CNGB3: variants seen among roughly 807,000 people sequenced by gnomAD.
CNGB3 encodes cyclic nucleotide gated channel subunit beta 3.
A neutral mutation model predicts 92.8 loss-of-function variants in CNGB3; 86 were observed. The ratio of observed to expected loss-of-function variants is 0.93; its 90% CI spans 0.78 to 1.11. The LOEUF (loss-of-function observed/expected upper bound fraction) is 1.11, where lower values mean the gene tolerates loss of function less well. CNGB3 is among the 50% of genes least tolerant of loss of function. CNGB3 has a pLI of 0.00. For missense variants in CNGB3, 1,026 were observed against 956.8 expected, an observed-to-expected ratio of 1.07 and a Z score of -0.95; for synonymous variants, 333 against 332.7, an observed-to-expected ratio of 1.00 and a Z score of -0.01.
chr8:86,739,497 A>G (rs1825303488), intron 2 of CNGB3, among the ~76,000 whole-genome samples, 158 bp downstream of exon 2: 1 of 152,234 alleles, frequency 6.6e-6, no homozygotes, highest in African/African-American at 2.4e-5. Context: ...GAATGAGGAT[A>G]TAAAGTTTTT....
intron 4 of CNGB3, among the ~76,000 whole-genome samples, chr8:86,670,516 C>T (rs745806644): frequency 1.3e-4 from 20 of 152,186 alleles, no homozygotes; most frequent in Non-Finnish European, 2.6e-4. Flanking sequence ...AAGTATGAGC[C>T]ACACAGTTTT....
At chr8:86,712,415 G>A (rs1342373618) in intron 3 of CNGB3, among the ~76,000 whole-genome samples, 5 of 151,908 alleles carry the variant, frequency 3.3e-5, no homozygotes, top group Non-Finnish European at 7.4e-5. Context: ...TATTAGTATG[G>A]TTTTATTATT....
intron 15 of CNGB3, among the ~76,000 whole-genome samples, chr8:86,590,458 G>T (rs1822002679): frequency 6.6e-6 from 1 of 152,126 alleles, no homozygotes; most frequent in Admixed American, 6.5e-5. Flanking sequence ...ATTATGGCAT[G>T]ATTTTGCAGC....
chr8:86,683,209 A>C (rs182781043), intron 3 of CNGB3, among the ~76,000 whole-genome samples: 2 of 152,292 alleles, frequency 1.3e-5, no homozygotes, highest in East Asian at 3.9e-4. Flanking sequence ...GTTGAAATAA[A>C]GGAGAGTGCA....
chr8:86,583,378 T>C (rs928864579), intron 15 of CNGB3, among the ~76,000 whole-genome samples: 9 of 152,178 alleles, frequency 5.9e-5, no homozygotes, highest in Non-Finnish European at 1.3e-4. Context: ...TAGTGTTATA[T>C]GATGGTAGGT....
intron 3 of CNGB3, among the ~76,000 whole-genome samples, chr8:86,706,141 A>T (rs1824647943): frequency 6.6e-6 from 1 of 152,200 alleles, no homozygotes; most frequent in South Asian, 2.1e-4. Context: ...TAAAAATTAT[A>T]TTTATAAAGT....
chr8:86,591,372 A>G (rs1213230700), intron 15 of CNGB3, among the ~76,000 whole-genome samples: 6 of 151,824 alleles, frequency 4.0e-5, no homozygotes, highest in South Asian at 2.1e-4. Context: ...GCTTTGTTCC[A>G]TTGCTGGTGA....
rs41512045 is a variant in CNGB3 at position 86,734,468 on chromosome 8, G to A, written c.211+5187C>T. ...TGGAAAAGTAACAGGATCACTAAAC[G>A]CATTGCCAGATTCAGAATTTTGTCT... On this transcript the variant is annotated intron_variant, in intron 2 of 17. Transcript: ENST00000320005. Among the ~76,000 whole-genome samples, 764 of 152,238 alleles carry A rather than the reference G, an allele frequency of 5.0e-3. 4 individuals are homozygous for A. The highest frequency in any genetic ancestry group is 0.017 in the African/African-American group (721 of 41,536).
chr8:86,682,455 A>T (rs991679812), intron 3 of CNGB3, among the ~76,000 whole-genome samples: 1 of 152,192 alleles, frequency 6.6e-6, no homozygotes, highest in African/African-American at 2.4e-5. Flanking sequence ...GGATAGCAAG[A>T]GGCCAGTTTG....
chr8:86,622,253 T>G (rs552587018), intron 13 of CNGB3, among the ~76,000 whole-genome samples: 1 of 152,124 alleles, frequency 6.6e-6, no homozygotes, highest in African/African-American at 2.4e-5. Context: ...GTAGAGTAAG[T>G]CTCATTCCTT....
intron 15 of CNGB3, among the ~76,000 whole-genome samples, chr8:86,592,266 G>C (rs910219642): frequency 6.6e-6 from 1 of 152,242 alleles, no homozygotes; most frequent in East Asian, 1.9e-4. Flanking sequence ...GATGAACCCG[G>C]TACCTCAGAT....
intron 17 of CNGB3, among the ~76,000 whole-genome samples, chr8:86,578,040 G>A (rs531988583): frequency 1.3e-5 from 2 of 152,148 alleles, no homozygotes; most frequent in South Asian, 4.1e-4. Flanking sequence ...CTCCCAAGTA[G>A]CTGGGACTAC....
chr8:86,613,601 C>T (rs1185713215), intron 13 of CNGB3, among the ~76,000 whole-genome samples: 1 of 152,012 alleles, frequency 6.6e-6, no homozygotes, highest in Non-Finnish European at 1.5e-5. Flanking sequence ...CACTCATGTC[C>T]ATGGAGAAGA....
chr8:86,685,955 A>G (rs1824180208), intron 3 of CNGB3, among the ~76,000 whole-genome samples: 1 of 139,438 alleles, frequency 7.2e-6, no homozygotes, highest in African/African-American at 2.8e-5. Context: ...GAATGACACA[A>G]ACTTAGTTTG....
chr8:86,617,074 G>A (rs540044065), intron 13 of CNGB3, among the ~76,000 whole-genome samples: 193 of 152,286 alleles, frequency 1.3e-3, no homozygotes, highest in African/African-American at 4.2e-3. Flanking sequence ...CTGTGTTACC[G>A]ATTTGAATGA....
At chr8:86,710,767 C>G (rs541144031) in intron 3 of CNGB3, among the ~76,000 whole-genome samples, 1 of 152,226 alleles carries the variant, frequency 6.6e-6, no homozygotes, top group East Asian at 1.9e-4. Context: ...AAAAGAAACA[C>G]TTATGAAAAT....
At chr8:86,667,901 T>A in intron 5 of CNGB3, 118 bp downstream of exon 5, 1 of 1,123,044 alleles carries the variant, frequency 8.9e-7, no homozygotes, top group South Asian at 1.3e-5. Context: ...AAATTCTGCT[T>A]CCTAGTTAGA....
chr8:86,695,344 C>G lies in CNGB3; in HGVS notation c.339-24246G>C, dbSNP rs903994614. Among the ~76,000 whole-genome samples the G allele has an allele frequency of 2.3e-5, 3 of 129,648 alleles. No individual in the cohort carries two copies. The Admixed American group carries it at 2.3e-4, about 10-fold the overall frequency. The allele number at this position is 129,648 out of a possible 152,430, so 85.1% of individuals were successfully genotyped here. On this transcript the variant is annotated intron_variant, in intron 3 of 17. Coordinates refer to ENST00000320005, the MANE Select transcript of CNGB3 (RefSeq NM_019098.5). ...GGAGAGGGAGAGGGAGAGGGAGAGCCTTTGTTCATTTTTTAAAAAATTATT... is the reference window on the plus strand; with the variant it reads ...GGAGAGGGAGAGGGAGAGGGAGAGCGTTTGTTCATTTTTTAAAAAATTATT...
At chr8:86,645,589 G>A (rs1823280940) in intron 8 of CNGB3, among the ~76,000 whole-genome samples, 1 of 151,252 alleles carries the variant, frequency 6.6e-6, no homozygotes, top group African/African-American at 2.4e-5. Context: ...AGATTACTTA[G>A]TTCAAAATTT....
Sources: gnomAD v4.1 joint callset for allele counts (sites outside exome capture counted in the v4.1 genomes callset) on GRCh38, gnomAD v4.1.1 for gene constraint, MANE v1.5 for transcripts, NCBI Gene and HGNC (gene_info 2026-07-23, HGNC 2026-07-21) for gene names.